Variants in FHIT observed in about 807,000 individuals in gnomAD.
FHIT encodes bis(5'-adenosyl)-triphosphatase.
In FHIT, 19 loss-of-function variants were observed where a neutral mutation model predicts 17.9. The ratio of observed to expected loss-of-function variants is 1.06; its 90% CI spans 0.74 to 1.56. The LOEUF is 1.56. Ranked by LOEUF, FHIT falls within the 40% of genes most tolerant of loss-of-function variation. FHIT has a pLI of 0.00. For missense variants in FHIT, 248 were observed against 189.2 expected, an observed-to-expected ratio of 1.31 and a Z score of -1.82; for synonymous variants, 81 against 69.7, an observed-to-expected ratio of 1.16 and a Z score of -0.81.
chr3:61,185,923 C>T (rs1272023484), intron 2 of FHIT, among the ~76,000 whole-genome samples: 2 of 152,032 alleles, frequency 1.3e-5, no homozygotes, highest in African/African-American at 4.8e-5. Context: ...GACTGTGATT[C>T]TCAAAATGCA....
chr3:60,443,100 T>A (rs1338452459), intron 5 of FHIT, among the ~76,000 whole-genome samples: 1 of 152,174 alleles, frequency 6.6e-6, no homozygotes, highest in South Asian at 2.1e-4. Flanking sequence ...ATAAGAATGC[T>A]TGTGATTTTT....
chr3:59,809,829 C>A (rs1262709655), intron 8 of FHIT, among the ~76,000 whole-genome samples: 2 of 152,206 alleles, frequency 1.3e-5, no homozygotes, highest in Non-Finnish European at 2.9e-5. Context: ...CCTTCCCTCA[C>A]ATTGTTCCTC....
intron 2 of FHIT, among the ~76,000 whole-genome samples, chr3:61,173,925 C>T (rs2038084186): frequency 6.6e-6 from 1 of 152,216 alleles, no homozygotes; most frequent in East Asian, 1.9e-4. Context: ...CTCTGCAGTA[C>T]TCTGGACTTT....
At chr3:60,785,897 ACACACACACACACAC>A (rs1700555702) in intron 4 of FHIT, among the ~76,000 whole-genome samples, 7 of 133,510 alleles carry the variant, frequency 5.2e-5, no homozygotes, top group Non-Finnish European at 1.2e-4. Flanking sequence ...CAAACAGAAG[ACACACACACACACAC>A]ACACACACAC....
chr3:61,020,411 A>G (rs2032351807), intron 3 of FHIT, among the ~76,000 whole-genome samples: 1 of 152,076 alleles, frequency 6.6e-6, no homozygotes, highest in Admixed American at 6.6e-5. Flanking sequence ...AAATTTTTTT[A>G]AGGTCTTTGT....
chr3:59,767,217 G>A (rs559010081), intron 8 of FHIT, among the ~76,000 whole-genome samples: 1 of 152,132 alleles, frequency 6.6e-6, no homozygotes. Context: ...TGGAGAGCTG[G>A]GCCGGGCGCG....
chr3:60,814,515 C>T (rs138267647), intron 4 of FHIT, among the ~76,000 whole-genome samples: 15 of 152,228 alleles, frequency 9.9e-5, no homozygotes, highest in Non-Finnish European at 1.3e-4. Context: ...GCTGCATCCA[C>T]GTGGCTGCAA....
intron 5 of FHIT, among the ~76,000 whole-genome samples, chr3:60,051,883 A>G (rs1701894756): frequency 6.6e-6 from 1 of 152,198 alleles, no homozygotes; most frequent in South Asian, 2.1e-4. Flanking sequence ...CTGGGAAGGT[A>G]GGAGTACTGA....
chr3:60,026,837 G>A (rs1181147398), intron 5 of FHIT, among the ~76,000 whole-genome samples: 11 of 151,940 alleles, frequency 7.2e-5, no homozygotes, highest in African/African-American at 1.5e-4. Flanking sequence ...GGTGGCTCAC[G>A]CCTGTAATCC....
At chr3:60,815,412 T>C (rs1235597377) in intron 4 of FHIT, among the ~76,000 whole-genome samples, 1 of 152,198 alleles carries the variant, frequency 6.6e-6, no homozygotes, top group Non-Finnish European at 1.5e-5. Context: ...GTTAGCTTTG[T>C]ATATGGTGAA....
chr3:60,551,223 C>A (rs1051872334), intron 4 of FHIT, among the ~76,000 whole-genome samples: 1 of 151,524 alleles, frequency 6.6e-6, no homozygotes, highest in East Asian at 2.0e-4. Context: ...CATACAAGGT[C>A]TTGTGTGGCG....
chr3:59,953,726 G>A (rs1419675190), intron 7 of FHIT, among the ~76,000 whole-genome samples: 2 of 152,142 alleles, frequency 1.3e-5, no homozygotes, highest in African/African-American at 4.8e-5. Flanking sequence ...AACCTTTCCA[G>A]CCTCTGCAAC....
In FHIT at chr3:60,859,723, A is replaced by ATTTTT. The variant is rs71092647; in HGVS notation, c.-110-37717_-110-37713dup. Among the ~76,000 whole-genome samples, 34 of 51,924 alleles carry ATTTTT rather than the reference A, an allele frequency of 6.5e-4. 6 individuals carry two copies. Among genetic ancestry groups the ATTTTT allele is most frequent in the African/African-American group, 1.4e-3 (19 of 13,220 alleles). 34.1% of individuals were successfully genotyped at this position (51,924 alleles called of 152,430 possible). ...ACATTTGCAGTGGATTCTGAATACG[A>ATTTTT]TTTTTTTTTTTTTTTTTTTTTTTTT... is the stretch of plus-strand genomic sequence containing the variant. On this transcript the variant is annotated intron_variant, in intron 3 of 9. Coordinates refer to ENST00000492590, the MANE Select transcript of FHIT (RefSeq NM_002012.4).
intron 5 of FHIT, among the ~76,000 whole-genome samples, chr3:60,184,353 G>C (rs761946662): frequency 3.4e-4 from 52 of 151,722 alleles, no homozygotes; most frequent in Non-Finnish European, 5.0e-4. Context: ...CATAACTTAT[G>C]TTGCTTAAGA....
At chr3:60,793,905 G>C (rs1269466014) in intron 4 of FHIT, among the ~76,000 whole-genome samples, 6 of 152,148 alleles carry the variant, frequency 3.9e-5, no homozygotes, top group African/African-American at 1.4e-4. Context: ...GCCATTGGAA[G>C]GTAAATACAC....
chr3:61,145,921 T>C (rs1180621384), intron 2 of FHIT, among the ~76,000 whole-genome samples: 1 of 152,042 alleles, frequency 6.6e-6, no homozygotes, highest in Non-Finnish European at 1.5e-5. Flanking sequence ...AATTTGCCAG[T>C]GCACTTTTAA....
At chr3:60,544,817 G>A (rs1290699206) in intron 4 of FHIT, among the ~76,000 whole-genome samples, 2 of 151,760 alleles carry the variant, frequency 1.3e-5, no homozygotes, top group African/African-American at 4.8e-5. Context: ...GGCTGGTCTC[G>A]AACTCCTAAC....
chr3:60,857,911 T>A (rs1553750399), intron 3 of FHIT, among the ~76,000 whole-genome samples: 1 of 152,188 alleles, frequency 6.6e-6, no homozygotes, highest in East Asian at 1.9e-4. Flanking sequence ...CTGGGCTTTT[T>A]AAGATTCCAT....
intron 3 of FHIT, among the ~76,000 whole-genome samples, chr3:60,946,790 TG>T (rs200617724): frequency 0.012 from 1,807 of 152,194 alleles, 30 homozygotes; most frequent in African/African-American, 0.04. Flanking sequence ...GAGAGGGTGA[TG>T]GGGAAGCCTC....
Sources: gnomAD v4.1 joint callset for allele counts (sites outside exome capture counted in the v4.1 genomes callset) on GRCh38, gnomAD v4.1.1 for gene constraint, MANE v1.5 for transcripts, NCBI Gene and HGNC (gene_info 2026-07-23, HGNC 2026-07-21) for gene names.